The following CACUL1 variants were observed in gnomAD, a reference collection of about 807,000 sequenced individuals.
CACUL1 encodes CDK2-associated and cullin domain-containing protein 1.
CACUL1 carries 13 observed loss-of-function variants against 45.2 expected under a neutral mutation model. The observed-to-expected ratio is 0.29, with a 90% confidence interval of 0.19 to 0.46. CACUL1 has a LOEUF of 0.46. CACUL1 is among the 20% of genes least tolerant of loss of function. The probability of loss-of-function intolerance (pLI) is 1.00; values close to 1 mark genes in which losing one functional copy is unlikely to be tolerated. For synonymous variants in CACUL1, 197 were observed against 174.2 expected (o/e 1.13, Z -1.03); for missense variants, 421 against 471.4 (o/e 0.89, Z 0.99).
intron 3 of CACUL1, among the ~76,000 whole-genome samples, chr10:118,725,775 AT>A (rs550439438): frequency 2.0e-5 from 3 of 152,382 alleles, no homozygotes; most frequent in Admixed American, 2.0e-4. Context: ...CATGTAAAAA[AT>A]ATTTACATTC....
chr10:118,711,521 A>G (rs1365980564), intron 3 of CACUL1, among the ~76,000 whole-genome samples: 2 of 152,238 alleles, frequency 1.3e-5, no homozygotes, highest in Non-Finnish European at 2.9e-5. Context: ...GAACTCTAAA[A>G]ATGGTATTTC....
At chr10:118,753,648 C>T (rs984710560) in intron 1 of CACUL1, among the ~76,000 whole-genome samples, 6 of 152,196 alleles carry the variant, frequency 3.9e-5, no homozygotes, top group Admixed American at 3.3e-4. Context: ...AATCTTAATG[C>T]GTGCAATTGA....
At chr10:118,742,081 C>T (rs1224626615) in intron 1 of CACUL1, among the ~76,000 whole-genome samples, 2 of 152,150 alleles carry the variant, frequency 1.3e-5, no homozygotes, top group East Asian at 1.9e-4. Flanking sequence ...TCATAATTAC[C>T]TTTCTATCAC....
chr10:118,682,854 G>T lies in CACUL1; in HGVS notation c.*3274C>A, dbSNP rs1255413479. The T allele has an allele frequency of 1.3e-5, 2 of 152,550 alleles. No individual in the cohort carries two copies. Among genetic ancestry groups the T allele is most frequent in the Non-Finnish European group, 2.9e-5 (2 of 68,052 alleles). The allele number at this position is 152,550 out of a possible 1,614,324, so 9.4% of individuals were successfully genotyped here. A position where few individuals can be genotyped will look rare whatever the true frequency, so the allele number is the denominator to read the frequency against. On this transcript the variant is annotated 3_prime_UTR_variant, in exon 9 of 9. Transcript: ENST00000369151. ...TACCCACAAATTAGCTTTCACTCTA[G>T]ACCCCAAAGGGAGGGTAATTGCTGC...
chr10:118,716,105 G>A (rs540373615), intron 3 of CACUL1, among the ~76,000 whole-genome samples: 3 of 151,878 alleles, frequency 2.0e-5, no homozygotes, highest in East Asian at 3.9e-4. Context: ...GGTGGCACGC[G>A]CCTGTAGTCC....
rs192046723 is a variant in CACUL1, at chr10:118,724,063, C to G, written c.597+5232G>C. Among the ~76,000 whole-genome samples, 221 of 152,256 alleles carry G rather than the reference C, an allele frequency of 1.5e-3. 1 individual carries two copies. Among genetic ancestry groups the G allele is most frequent in the Middle Eastern group, 3.4e-3 (1 of 294 alleles). On this transcript the variant is annotated intron_variant, in intron 3 of 8. Coordinates refer to ENST00000369151, the MANE Select transcript of CACUL1 (RefSeq NM_153810.5). ...TACAGGCATGAGCCACCACACCTGG[C>G]CGAATCAAGACCATCTTAATCCAAT... is the stretch of plus-strand genomic sequence containing the variant.
At chr10:118,754,204 G>A (rs1222935110) in intron 1 of CACUL1, among the ~76,000 whole-genome samples, 192 bp downstream of exon 1, 2 of 152,124 alleles carry the variant, frequency 1.3e-5, no homozygotes, top group Non-Finnish European at 2.9e-5. Flanking sequence ...CCGCTCAGGC[G>A]CTGGCCGCAG....
At chr10:118,716,707 A>G (rs2119611687) in intron 3 of CACUL1, among the ~76,000 whole-genome samples, 1 of 149,834 alleles carries the variant, frequency 6.7e-6, no homozygotes, top group South Asian at 2.1e-4. Flanking sequence ...GGTTCACGCC[A>G]TTCTCCTGCC....
intron 5 of CACUL1, among the ~76,000 whole-genome samples, 188 bp downstream of exon 5, chr10:118,701,118 T>G (rs562592154): frequency 1.4e-4 from 21 of 152,204 alleles, no homozygotes; most frequent in African/African-American, 3.9e-4. Flanking sequence ...TGCTCACAGC[T>G]CACCGGGTGA....
At chr10:118,686,211 G>A in intron 8 of CACUL1, 43 bp from the exon 9 acceptor site, 2 of 1,512,918 alleles carry the variant, frequency 1.3e-6, no homozygotes, top group South Asian at 1.1e-5. Flanking sequence ...AGAGCAGACA[G>A]CATTTGATAA....
rs1391411546 is a variant in CACUL1, at chr10:118,754,675, C to T, written c.88G>A (p.Asp30Asn). The T allele has an allele frequency of 6.2e-7, 1 of 1,608,496 alleles. No individual in the cohort carries two copies. Among genetic ancestry groups the T allele is most frequent in the Non-Finnish European group, 8.5e-7 (1 of 1,177,952 alleles). ...GGTGGCAGGGGCTGCCGGAAGCCGT[C>T]CACCGCAGCCTCCCAGTTGTTGTGG... ...QNHNNWEAAV[D>N]GFRQPLPPPP... The change falls in exon 1 of 9, where the codon GAC (aspartate) becomes AAC (asparagine). Residue 30 changes from aspartate to asparagine, a missense_variant. By Grantham distance (23) the Asp-to-Asn change is conservative. Around this residue, in one of 2 missense-constraint regions of CACUL1, gnomAD observed 213 missense variants for 173.1 expected, o/e 1.23. Coordinates refer to ENST00000369151, the MANE Select transcript of CACUL1 (RefSeq NM_153810.5).
rs1351354520 is a variant in CACUL1, at chr10:118,691,291, T to C, written c.999A>G (p.Arg333=). 2 of 1,613,672 alleles carry C rather than the reference T, an allele frequency of 1.2e-6. No individual in the cohort carries two copies. The highest frequency in any genetic ancestry group is 3.3e-5 in the Admixed American group (2 of 59,964). The change falls in exon 7 of 9, where the codon AGA becomes AGG. Residue 333 remains arginine, a synonymous_variant. Coordinates refer to ENST00000369151, the MANE Select transcript of CACUL1 (RefSeq NM_153810.5). ...EYAAQDQKFQ[R]ELIQNGFTRG... ...TTGTAAAACCATTCTGTATAAGTTCTCTTTGAAATTTCTGATCTTGAGCAG... is the reference window on the plus strand; with the variant it reads ...TTGTAAAACCATTCTGTATAAGTTCCCTTTGAAATTTCTGATCTTGAGCAG...
At chr10:118,738,676 A>G (rs1194726014) in intron 1 of CACUL1, among the ~76,000 whole-genome samples, 1 of 151,992 alleles carries the variant, frequency 6.6e-6, no homozygotes, top group Non-Finnish European at 1.5e-5. Flanking sequence ...AGAGCTAGCA[A>G]TTATCTTTTT....
intron 1 of CACUL1, among the ~76,000 whole-genome samples, chr10:118,735,109 G>C (rs1845728549): frequency 6.6e-6 from 1 of 152,190 alleles, no homozygotes; most frequent in Non-Finnish European, 1.5e-5. Flanking sequence ...TAGGTACCCA[G>C]TAACATCTGT....
chr10:118,719,116 C>T (rs1027780235), intron 3 of CACUL1, among the ~76,000 whole-genome samples: 2 of 152,120 alleles, frequency 1.3e-5, no homozygotes, highest in African/African-American at 4.8e-5. Flanking sequence ...AGGCAGATAA[C>T]ATGCACAAAA....
chr10:118,689,939 A>G (rs1233815175), intron 7 of CACUL1, among the ~76,000 whole-genome samples: 3 of 152,244 alleles, frequency 2.0e-5, no homozygotes, highest in African/African-American at 7.2e-5. Flanking sequence ...GTATGAAAGT[A>G]TAAAGACTTC....
chr10:118,714,355 C>T (rs543252593), intron 3 of CACUL1, among the ~76,000 whole-genome samples: 54 of 152,044 alleles, frequency 3.6e-4, no homozygotes, highest in Non-Finnish European at 3.1e-4. Context: ...TTTCATTAGA[C>T]GGTATCAAAA....
Position 118,679,520 on chromosome 10 carries a change from T to TTTTTTTG in CACUL1, c.*6601_*6607dup, listed in dbSNP as rs1289931216. 1 of 151,794 alleles carries TTTTTTTG rather than the reference T, an allele frequency of 6.6e-6. No homozygotes were observed. Among genetic ancestry groups the TTTTTTTG allele is most frequent in the Non-Finnish European group, 1.5e-5 (1 of 67,992 alleles). 9.4% of individuals were successfully genotyped at this position (151,794 alleles called of 1,614,324 possible). A position where few individuals can be genotyped will look rare whatever the true frequency, so the allele number is the denominator to read the frequency against. On this transcript the variant is annotated 3_prime_UTR_variant, in exon 9 of 9. Coordinates refer to ENST00000369151, the MANE Select transcript of CACUL1 (RefSeq NM_153810.5). Reference sequence around the variant, plus strand: ...CAAGAGCCACTGTGCCAGGCCCAACTTTTTTTGTTTTTTGCTTGAGATAGT... The same window carrying TTTTTTTG: ...CAAGAGCCACTGTGCCAGGCCCAACTTTTTTTGTTTTTTGTTTTTTGCTTGAGATAGT...
chr10:118,731,037 T>C, intron 1 of CACUL1, among the ~76,000 whole-genome samples: 1 of 152,194 alleles, frequency 6.6e-6, no homozygotes, highest in East Asian at 1.9e-4. Flanking sequence ...ACTGGGACCC[T>C]GCGCTGAGGC....
Sources: gnomAD v4.1 joint callset for allele counts (sites outside exome capture counted in the v4.1 genomes callset) on GRCh38, gnomAD v4.1.1 for gene constraint, gnomAD v4.1.1 regional missense constraint, MANE v1.5 for transcripts, NCBI Gene and HGNC (gene_info 2026-07-23, HGNC 2026-07-21) for gene names.